AFAP1L2: variants seen among roughly 807,000 people sequenced by gnomAD.
AFAP1L2 encodes actin filament associated protein 1 like 2.
A neutral mutation model predicts 99.3 loss-of-function variants in AFAP1L2; 46 were observed. That is an observed-to-expected ratio of 0.46 (90% confidence interval 0.37 to 0.59). The LOEUF is 0.59. AFAP1L2 is among the 20% of genes least tolerant of loss of function. The pLI, the probability that AFAP1L2 is intolerant of heterozygous loss-of-function variation, is 0.00. For missense variants in AFAP1L2, 959 were observed against 1,034.9 expected (o/e 0.93, Z 1.01); for synonymous variants, 397 against 419.1 (o/e 0.95, Z 0.64).
At chr10:114,298,064 T>C (rs1221417273) in intron 16 of AFAP1L2, among the ~76,000 whole-genome samples, 1 of 152,168 alleles carries the variant, frequency 6.6e-6, no homozygotes, top group East Asian at 1.9e-4. Flanking sequence ...TAATAATGTT[T>C]TGAAGATTGG....
rs2041119344 is a variant in AFAP1L2, at chr10:114,301,202, C to T, written c.1542+152G>A. The T allele has an allele frequency of 4.7e-6, 3 of 639,370 alleles. No individual in the cohort carries two copies. The Admixed American group carries it at 8.4e-5, about 18-fold the overall frequency. 39.6% of individuals were successfully genotyped at this position (639,370 alleles called of 1,614,324 possible). A position where few individuals can be genotyped will look rare whatever the true frequency, so the allele number is the denominator to read the frequency against. On this transcript the variant is annotated intron_variant, in intron 13 of 18. Transcript: ENST00000304129. ...TCACATATAGGAGACAGCCTTGTTG[C>T]ACTTAGGTGTCTGCACTACTGGCCT... is the stretch of plus-strand genomic sequence containing the variant.
At chr10:114,398,726 G>T in intron 1 of AFAP1L2, 1 of 871,604 alleles carries the variant, frequency 1.1e-6, no homozygotes, top group Non-Finnish European at 1.6e-6. Flanking sequence ...TGCCCAGGCC[G>T]GTGCCCAGCT....
chr10:114,289,059 C>A, the AFAP1L2 span: 1 of 1,614,190 alleles, frequency 6.2e-7, no homozygotes, highest in Non-Finnish European at 8.5e-7. Context: ...TTGAGGTGAA[C>A]CCTGACGTGA....
chr10:114,327,201 G>A (rs1243918342), intron 4 of AFAP1L2, among the ~76,000 whole-genome samples: 6 of 101,720 alleles, frequency 5.9e-5, no homozygotes, highest in African/African-American at 1.7e-4. Flanking sequence ...GTCTCACTGT[G>A]TTGCCCAGGC....
At chr10:114,289,281 G>A in the AFAP1L2 span, 2 of 1,614,184 alleles carry the variant, frequency 1.2e-6, no homozygotes, top group East Asian at 2.2e-5. Flanking sequence ...CTGTGGTGGT[G>A]CTCACAGGCG....
At chr10:114,381,071 A>G (rs2055549759) in intron 1 of AFAP1L2, among the ~76,000 whole-genome samples, 1 of 152,206 alleles carries the variant, frequency 6.6e-6, no homozygotes, top group African/African-American at 2.4e-5. Context: ...CTTGTACATG[A>G]ATGGTTACAG....
intron 1 of AFAP1L2, among the ~76,000 whole-genome samples, chr10:114,394,148 G>A (rs919253477): frequency 6.6e-6 from 1 of 152,142 alleles, no homozygotes; most frequent in Non-Finnish European, 1.5e-5. Flanking sequence ...CCGGGGGGAC[G>A]ACCGGCAAAG....
downstream of AFAP1L2, among the ~76,000 whole-genome samples, chr10:114,293,502 T>C (rs547596219): frequency 1.1e-4 from 16 of 152,340 alleles, no homozygotes; most frequent in South Asian, 3.3e-3. Flanking sequence ...TCCCCTTTTG[T>C]AGTGACAGTG....
chr10:114,363,184 G>C, intron 1 of AFAP1L2: 5 of 985,144 alleles, frequency 5.1e-6, no homozygotes, highest in Non-Finnish European at 6.0e-6. Context: ...TGGGAATCAA[G>C]GAGAGGCAAC....
chr10:114,395,921 A>C (rs2057662968), intron 1 of AFAP1L2, among the ~76,000 whole-genome samples: 1 of 152,158 alleles, frequency 6.6e-6, no homozygotes, highest in Non-Finnish European at 1.5e-5. Context: ...TTTCACTTCA[A>C]ATATGCACAA....
At chr10:114,314,461 G>A (rs2043796998) in intron 6 of AFAP1L2, among the ~76,000 whole-genome samples, 1 of 152,118 alleles carries the variant, frequency 6.6e-6, no homozygotes, top group Non-Finnish European at 1.5e-5. Context: ...GGATCCATAA[G>A]GCACAAAAAC....
chr10:114,346,290 T>G (rs985051915), intron 1 of AFAP1L2, among the ~76,000 whole-genome samples: 4 of 152,172 alleles, frequency 2.6e-5, no homozygotes, highest in Non-Finnish European at 5.9e-5. Flanking sequence ...TCTGCCTCCC[T>G]AGGTTGTGGA....
intron 1 of AFAP1L2, among the ~76,000 whole-genome samples, chr10:114,365,434 T>A (rs2053077239): frequency 6.6e-6 from 1 of 152,218 alleles, no homozygotes; most frequent in South Asian, 2.1e-4. Flanking sequence ...ATAATTTTTT[T>A]AAATTTTACT....
intron 1 of AFAP1L2, among the ~76,000 whole-genome samples, chr10:114,401,752 C>T (rs2058255620): frequency 6.6e-6 from 1 of 152,122 alleles, no homozygotes; most frequent in African/African-American, 2.4e-5. Flanking sequence ...TTCCAACCAC[C>T]CATCATCTCC....
At chr10:114,343,338 G>A (rs569130570) in intron 1 of AFAP1L2, among the ~76,000 whole-genome samples, 113 of 152,302 alleles carry the variant, frequency 7.4e-4, no homozygotes, top group African/African-American at 2.6e-3. Flanking sequence ...TGCTTTCCTC[G>A]TGATCACTCT....
Position 114,300,532 on chromosome 10 carries a change from A to C in AFAP1L2, c.1701T>G (p.Asn567Lys). Residue 567 changes from asparagine (N) to lysine (K), a missense_variant, in exon 14 of 19, where the codon AAT becomes AAG. Transcript: ENST00000304129. ...AGTCTGCCGGGAGGGCCTCAGTTGC[A>C]TTGTCCAGGCAGGACAACGTCGGGG... is the stretch of plus-strand genomic sequence containing the variant. Reference protein sequence around the residue: ...ASSPTLSCLDNATEALPADSG... With the variant: ...ASSPTLSCLDKATEALPADSG... The C allele has an allele frequency of 6.2e-7, 1 of 1,614,060 alleles. No homozygotes were observed. Among genetic ancestry groups the C allele is most frequent in the African/African-American group, 1.3e-5 (1 of 75,008 alleles).
In AFAP1L2 at chr10:114,300,505, T is replaced by C; in HGVS notation, c.1728A>G (p.Ser576=). ...GCTCATCTGGGGTGGGACCTGGGCC[T>C]GAGTCTGCCGGGAGGGCCTCAGTTG... ...DNATEALPAD[S]GPGPTPDEPC... The change falls in exon 14 of 19, where the codon TCA becomes TCG. Residue 576 remains serine, a synonymous_variant. Coordinates refer to ENST00000304129, the MANE Select transcript of AFAP1L2 (RefSeq NM_001001936.3). 3.1e-6 allele frequency: 5 copies of C among 1,614,152 alleles called. No individual in the cohort carries two copies. Among genetic ancestry groups the C allele is most frequent in the Non-Finnish European group, 4.2e-6 (5 of 1,180,010 alleles).
rs550615375 is a variant in AFAP1L2, at chr10:114,319,571, T to C, written c.406+3600A>G. 7 of 1,289,560 alleles carry C rather than the reference T, an allele frequency of 5.4e-6. No homozygotes were observed. In the East Asian group the frequency reaches 2.8e-4, roughly 51 times the overall value. The allele number at this position is 1,289,560 out of a possible 1,614,324, so 79.9% of individuals were successfully genotyped here. On this transcript the variant is annotated intron_variant, in intron 5 of 18. Transcript: ENST00000304129. ...GGGGAGTAAGCAGTACCCAAGGTGA[T>C]CGTGGCATAAATGACTCCTTCGGGC...
intron 4 of AFAP1L2, among the ~76,000 whole-genome samples, chr10:114,330,672 A>G (rs1411059313): frequency 2.0e-5 from 3 of 152,212 alleles, no homozygotes; most frequent in African/African-American, 7.2e-5. Context: ...AAGTTCAAAG[A>G]GCTAGTGGCA....
Sources: allele counts gnomAD v4.1 joint callset (sites outside exome capture counted in the v4.1 genomes callset), GRCh38; gene constraint gnomAD v4.1.1; transcripts MANE v1.5; gene names NCBI Gene and HGNC (gene_info 2026-07-23, HGNC 2026-07-21).